FREM1: variants seen among roughly 807,000 people sequenced by gnomAD.
The protein encoded by FREM1 is FRAS1-related extracellular matrix protein 1.
In FREM1, 220 loss-of-function variants were observed where a neutral mutation model predicts 210.1. The observed-to-expected ratio is 1.05, with a 90% CI of 0.94 to 1.17. FREM1 has a LOEUF of 1.17. Among genes scored for constraint, FREM1 ranks in the 50% most tolerant of loss-of-function variants. The pLI, the probability that FREM1 is intolerant of heterozygous loss-of-function variation, is 0.00. For missense variants in FREM1, 3,454 were observed against 2,675.5 expected, an observed-to-expected ratio of 1.29 and a Z score of -6.42; for synonymous variants, 1,189 against 980.2, an observed-to-expected ratio of 1.21 and a Z score of -3.98.
At chr9:14,899,770 A>T (rs985029068) in intron 1 of FREM1, among the ~76,000 whole-genome samples, 6 of 152,344 alleles carry the variant, frequency 3.9e-5, no homozygotes, top group African/African-American at 7.2e-5. Flanking sequence ...CAATATCCAG[A>T]TAGGCTGACA....
chr9:14,839,875 T>A (rs977250413), intron 10 of FREM1, among the ~76,000 whole-genome samples: 7 of 152,226 alleles, frequency 4.6e-5, no homozygotes, highest in African/African-American at 1.7e-4. Flanking sequence ...AACTGTTACC[T>A]TTTTGAACTA....
Position 14,868,927 on chromosome 9 carries a change from G to A in FREM1, c.51C>T (p.Leu17=), listed in dbSNP as rs1832071117. 1 of 1,602,904 alleles carries A rather than the reference G, an allele frequency of 6.2e-7. No homozygotes were observed. Among genetic ancestry groups the A allele is most frequent in the Admixed American group, 1.7e-5 (1 of 58,840 alleles). Residue 17 remains leucine, a synonymous_variant, in exon 2 of 37, where the codon CTC becomes CTT. Transcript: ENST00000380880. ...TGAAGGTGGGGCTGGCCCAGGCCAG[G>A]AGGAGCAGCAGCAGCACGGCATTCG... is the stretch of plus-strand genomic sequence containing the variant. ...GAANAVLLLL[L]LAWASPTFIS... is the part of the protein sequence containing the mutation.
intron 9 of FREM1, among the ~76,000 whole-genome samples, chr9:14,842,072 G>A (rs1744482648): frequency 6.6e-6 from 1 of 152,118 alleles, no homozygotes; most frequent in South Asian, 2.1e-4. Context: ...TAGTGTAATG[G>A]TTACTTTGAG....
In FREM1 at chr9:14,836,647, G is replaced by C. The variant is rs1824667064; in HGVS notation, c.1881+4800C>G. Among the ~76,000 whole-genome samples the C allele has an allele frequency of 6.6e-6, 1 of 152,228 alleles. No individual in the cohort carries two copies. On this transcript the variant is annotated intron_variant, in intron 10 of 36. Transcript: ENST00000380880. The surrounding 1 kb of genome is among the most constrained non-coding windows in gnomAD (Gnocchi z 4.9). ...TTGATATTTGGACGTTGTATATTCA[G>C]TACTATGACTCAAATTGTTTCTTCT...
chr9:14,819,183 C>A (rs1820826545), intron 14 of FREM1, 51 bp downstream of exon 14: 5 of 1,328,748 alleles, frequency 3.8e-6, no homozygotes, highest in Non-Finnish European at 5.2e-6. Context: ...CACAACTGAT[C>A]TAGATAAGAA....
At chr9:14,782,485 A>T (rs543709910) in intron 24 of FREM1, 4 of 235,176 alleles carry the variant, frequency 1.7e-5, no homozygotes, top group African/African-American at 9.2e-5. Flanking sequence ...GCATTGACGG[A>T]GGGAAGCAGG....
At chr9:14,861,220 C>T (rs1451045103) in intron 3 of FREM1, among the ~76,000 whole-genome samples, 5 of 89,598 alleles carry the variant, frequency 5.6e-5, no homozygotes, top group African/African-American at 2.6e-4. Flanking sequence ...TACATATATA[C>T]ACATATATAC....
chr9:14,752,564 A>C (rs1035846148), intron 29 of FREM1, among the ~76,000 whole-genome samples: 7 of 152,202 alleles, frequency 4.6e-5, no homozygotes, highest in Non-Finnish European at 7.3e-5. Flanking sequence ...AATGAACCTG[A>C]GAGTGTTATG....
At chr9:14,772,978 G>A (rs890092303) in intron 25 of FREM1, among the ~76,000 whole-genome samples, 2 of 152,078 alleles carry the variant, frequency 1.3e-5, no homozygotes, top group East Asian at 1.9e-4. Context: ...CTAGCAACAC[G>A]GTCCCGTCAT....
chr9:14,768,630 G>T (rs556712493), intron 27 of FREM1, among the ~76,000 whole-genome samples: 24 of 152,230 alleles, frequency 1.6e-4, no homozygotes, highest in Non-Finnish European at 3.1e-4. Context: ...TTTTATCGAG[G>T]CAACGGAGTG....
At chr9:14,839,446 G>T (rs1285764541) in intron 10 of FREM1, among the ~76,000 whole-genome samples, 1 of 152,158 alleles carries the variant, frequency 6.6e-6, no homozygotes, top group African/African-American at 2.4e-5. Flanking sequence ...AGGGGCCAAA[G>T]ATATATGGTA....
At chr9:14,763,258 C>G (rs1354587505) in intron 27 of FREM1, among the ~76,000 whole-genome samples, 2 of 152,184 alleles carry the variant, frequency 1.3e-5, no homozygotes, top group Non-Finnish European at 2.9e-5. Flanking sequence ...CCTCTGTCCT[C>G]CTCGCATTAG....
intron 28 of FREM1, among the ~76,000 whole-genome samples, chr9:14,758,684 G>T (rs1844870912): frequency 1.4e-5 from 2 of 138,952 alleles, no homozygotes; most frequent in Admixed American, 1.4e-4. Flanking sequence ...TGGGGGGATG[G>T]GGTGGGGGGG....
chr9:14,868,885 C>G lies in FREM1; in HGVS notation c.93G>C (p.Gly31=), dbSNP rs887877238. ...CAGAGTGGCCCTTCATCACCCTCAC[C>G]CCGCGGTTGATGCTGATGAAGGTGG... is the stretch of plus-strand genomic sequence containing the variant. ...ASPTFISINR[G]VRVMKGHSAF... Residue 31 remains glycine (G), a synonymous_variant, in exon 2 of 37, where the codon GGG becomes GGC. Transcript: ENST00000380880. 2.5e-6 allele frequency: 4 copies of G among 1,607,120 alleles called. No homozygotes were observed. The African/African-American group carries it at 5.3e-5, about 21-fold the overall frequency.
intron 10 of FREM1, among the ~76,000 whole-genome samples, chr9:14,833,926 C>A (rs1216392412): frequency 6.6e-6 from 1 of 152,010 alleles, no homozygotes; most frequent in Non-Finnish European, 1.5e-5. Context: ...TGCCACAGAC[C>A]CCGTTTTGTG....
intron 31 of FREM1, 81 bp from the exon 32 acceptor site, chr9:14,747,809 C>A: frequency 4.0e-6 from 3 of 758,412 alleles, no homozygotes; most frequent in South Asian, 1.9e-5. Flanking sequence ...CAAGTAAGAT[C>A]TTGCTAATGT....
chr9:14,900,134 C>G (rs749589523), intron 1 of FREM1, among the ~76,000 whole-genome samples: 7 of 152,154 alleles, frequency 4.6e-5, no homozygotes, highest in Non-Finnish European at 8.8e-5. Flanking sequence ...TGGGTCTGCG[C>G]TATTAATGAG....
chr9:14,817,653 T>A (rs1820542417), intron 14 of FREM1, among the ~76,000 whole-genome samples: 1 of 152,148 alleles, frequency 6.6e-6, no homozygotes, highest in Admixed American at 6.5e-5. Flanking sequence ...AAAAGTTGTA[T>A]TAAAAAATAA....
intron 21 of FREM1, among the ~76,000 whole-genome samples, chr9:14,795,913 C>A (rs1852285691): frequency 6.6e-6 from 1 of 152,126 alleles, no homozygotes; most frequent in Admixed American, 6.5e-5. Context: ...CACCTCCCTG[C>A]CTCTTAAAAT....
Sources: gnomAD v4.1 joint callset for allele counts (sites outside exome capture counted in the v4.1 genomes callset) on GRCh38, gnomAD v4.1.1 for gene constraint, Gnocchi (gnomAD v3.1) non-coding constraint, MANE v1.5 for transcripts, NCBI Gene and HGNC (gene_info 2026-07-23, HGNC 2026-07-21) for gene names.